Variants in RSRC1 observed in about 807,000 individuals in gnomAD.
RSRC1 encodes serine/Arginine-related protein 53.
In RSRC1, 39 loss-of-function variants were observed where a neutral mutation model predicts 49.1. The ratio of observed to expected loss-of-function variants is 0.79; its 90% CI spans 0.61 to 1.04. The LOEUF (loss-of-function observed/expected upper bound fraction) is 1.04. RSRC1 is among the 50% of genes least tolerant of loss of function. RSRC1 has a pLI of 0.00. For synonymous variants in RSRC1, 143 were observed against 130.8 expected (o/e 1.09, Z -0.63); for missense variants, 388 against 402.4 (o/e 0.96, Z 0.31).
chr3:158,278,560 C>T (rs1725948928), intron 4 of RSRC1, among the ~76,000 whole-genome samples: 2 of 152,206 alleles, frequency 1.3e-5, no homozygotes, highest in African/African-American at 2.4e-5. Flanking sequence ...CATCTGTGGA[C>T]TCATGAAAAA....
At chr3:158,382,996 T>A (rs1212021889) in intron 6 of RSRC1, among the ~76,000 whole-genome samples, 1 of 152,194 alleles carries the variant, frequency 6.6e-6, no homozygotes, top group Non-Finnish European at 1.5e-5. Context: ...TGCCTAGTTT[T>A]TAAACCTCTG....
At chr3:158,382,110 G>C (rs1217117402) in intron 6 of RSRC1, among the ~76,000 whole-genome samples, 1 of 152,014 alleles carries the variant, frequency 6.6e-6, no homozygotes. Flanking sequence ...GTTAGAAACT[G>C]AGATACAAAC....
chr3:158,115,309 T>C (rs1714726008), intron 1 of RSRC1, among the ~76,000 whole-genome samples: 1 of 152,156 alleles, frequency 6.6e-6, no homozygotes, highest in African/African-American at 2.4e-5. Flanking sequence ...CTCTTTTTGG[T>C]CACCCCCAAG....
intron 4 of RSRC1, among the ~76,000 whole-genome samples, chr3:158,253,293 A>AT (rs1263747424): frequency 1.3e-5 from 2 of 151,668 alleles, no homozygotes; most frequent in African/African-American, 4.8e-5. Flanking sequence ...GTTTCTTGAA[A>AT]TTTTTTTATT....
At chr3:158,131,096 G>A (rs9881063) in intron 3 of RSRC1, among the ~76,000 whole-genome samples, 3 of 151,426 alleles carry the variant, frequency 2.0e-5, no homozygotes, top group South Asian at 2.1e-4. Context: ...AGTCTTTGGC[G>A]TTAATTTTTT....
At chr3:158,450,764 A>T (rs1736984521) in intron 6 of RSRC1, among the ~76,000 whole-genome samples, 1 of 151,960 alleles carries the variant, frequency 6.6e-6, no homozygotes, top group African/African-American at 2.4e-5. Flanking sequence ...ACTCAGTAAA[A>T]ACTATATGAG....
chr3:158,516,744 C>T (rs1740562148), intron 7 of RSRC1, among the ~76,000 whole-genome samples: 1 of 152,210 alleles, frequency 6.6e-6, no homozygotes, highest in Non-Finnish European at 1.5e-5. Context: ...TAGCAATCAG[C>T]GAGACTCCGT....
At chr3:158,401,873 A>G (rs1348109843) in intron 6 of RSRC1, among the ~76,000 whole-genome samples, 1 of 151,994 alleles carries the variant, frequency 6.6e-6, no homozygotes, top group Non-Finnish European at 1.5e-5. Flanking sequence ...GAACTTAATG[A>G]AAACTTACTG....
In RSRC1 at chr3:158,323,427, G is replaced by A. The variant is rs148188608; in HGVS notation, c.531+25352G>A. ...GGTGGAGCAAATTCACAATTCTCCC[G>A]GACTTCCAATCTTCATCTGGTTCTT... On this transcript the variant is annotated intron_variant, in intron 5 of 9. Coordinates refer to ENST00000611884, the MANE Select transcript of RSRC1 (RefSeq NM_001271838.2). Among the ~76,000 whole-genome samples, 257 of 152,218 alleles carry A rather than the reference G, an allele frequency of 1.7e-3. 4 individuals carry two copies. Among genetic ancestry groups the A allele is most frequent in the African/African-American group, 5.9e-3 (245 of 41,506 alleles).
chr3:158,229,536 G>GTT (rs1163306611), intron 4 of RSRC1, among the ~76,000 whole-genome samples: 1 of 145,046 alleles, frequency 6.9e-6, no homozygotes, highest in Non-Finnish European at 1.5e-5. Context: ...GTGTGTGTGT[G>GTT]TTTTTTGTTT....
chr3:158,497,581 C>G (rs560914029), intron 7 of RSRC1, among the ~76,000 whole-genome samples: 1 of 151,960 alleles, frequency 6.6e-6, no homozygotes, highest in Admixed American at 6.6e-5. Flanking sequence ...GGACTACAGG[C>G]GCGTGCCACC....
intron 3 of RSRC1, among the ~76,000 whole-genome samples, chr3:158,156,278 T>C (rs1355801139): frequency 1.3e-5 from 2 of 152,190 alleles, no homozygotes; most frequent in South Asian, 2.1e-4. Flanking sequence ...TCACCTCTTT[T>C]AGCTTTTATA....
chr3:158,309,468 G>A (rs550415138), intron 5 of RSRC1, among the ~76,000 whole-genome samples: 10 of 151,690 alleles, frequency 6.6e-5, no homozygotes, highest in East Asian at 1.9e-4. Context: ...TTTAATAAAC[G>A]TTTAATAAAT....
At chr3:158,344,120 A>G (rs954026212) in intron 5 of RSRC1, among the ~76,000 whole-genome samples, 4 of 152,120 alleles carry the variant, frequency 2.6e-5, no homozygotes, top group African/African-American at 9.7e-5. Flanking sequence ...TTAGCCGGGC[A>G]TGGTGCCATG....
At chr3:158,206,474 T>C (rs1332402188) in intron 4 of RSRC1, among the ~76,000 whole-genome samples, 1 of 152,090 alleles carries the variant, frequency 6.6e-6, no homozygotes, top group African/African-American at 2.4e-5. Context: ...AGATAAATAA[T>C]GATGAGAGAT....
chr3:158,306,530 C>A (rs1199550714), intron 5 of RSRC1, among the ~76,000 whole-genome samples: 2 of 151,682 alleles, frequency 1.3e-5, no homozygotes, highest in Non-Finnish European at 1.5e-5. Flanking sequence ...ACTTTGGTTA[C>A]CTTGATTACA....
intron 1 of RSRC1, among the ~76,000 whole-genome samples, chr3:158,121,597 T>A (rs1378432802): frequency 6.6e-6 from 1 of 152,180 alleles, no homozygotes; most frequent in Non-Finnish European, 1.5e-5. Flanking sequence ...TATTTAAAGA[T>A]GTAGAATTTT....
intron 3 of RSRC1, among the ~76,000 whole-genome samples, chr3:158,156,624 A>G (rs1717895265): frequency 6.6e-6 from 1 of 152,178 alleles, no homozygotes; most frequent in Non-Finnish European, 1.5e-5. Flanking sequence ...TTGAATACTT[A>G]GAGGCCATTG....
intron 3 of RSRC1, among the ~76,000 whole-genome samples, chr3:158,202,125 C>A (rs1044745222): frequency 6.6e-6 from 1 of 152,094 alleles, no homozygotes; most frequent in Non-Finnish European, 1.5e-5. Flanking sequence ...AGTGATTCTC[C>A]TGTTTCAGCT....
Sources: allele counts gnomAD v4.1 joint callset (sites outside exome capture counted in the v4.1 genomes callset), GRCh38; gene constraint gnomAD v4.1.1; transcripts MANE v1.5; gene names NCBI Gene and HGNC (gene_info 2026-07-23, HGNC 2026-07-21).